Variants in KCNAB2 observed in about 807,000 individuals in gnomAD.
KCNAB2 encodes potassium voltage-gated channel subfamily A regulatory beta subunit 2.
A neutral mutation model predicts 63.6 loss-of-function variants in KCNAB2; 29 were observed. The ratio of observed to expected loss-of-function variants is 0.46; its 90% CI spans 0.34 to 0.62. KCNAB2 has a LOEUF of 0.62. Among genes scored for constraint, KCNAB2 ranks in the 20% least tolerant of loss-of-function variants. The pLI, the probability that KCNAB2 is intolerant of heterozygous loss-of-function variation, is 0.01. For missense variants in KCNAB2, 359 were observed against 563.9 expected (o/e 0.64, Z 3.68); for synonymous variants, 222 against 224.2 (o/e 0.99, Z 0.09).
At position 6,099,631 on chromosome 1, in the gene KCNAB2, T is replaced by G; in HGVS notation, c.*1057T>G. On this transcript the variant is annotated 3_prime_UTR_variant, in exon 16 of 16. Transcript: ENST00000378083. The stretch of plus-strand genomic sequence containing the variant: ...CTGCTCTGCACCGAGCTGGTGGGCT[T>G]GGGTTTTGTGGAGCGCATGCTTGGA... 4.4e-6 allele frequency: 4 copies of G among 906,904 alleles called. No individual in the cohort carries two copies. Among genetic ancestry groups the G allele is most frequent in the African/African-American group, 1.7e-5 (1 of 59,548 alleles). 56.2% of individuals were successfully genotyped at this position (906,904 alleles called of 1,614,324 possible).
Position 6,036,274 on chromosome 1 carries a change from G to A in KCNAB2, c.-53+1480G>A, listed in dbSNP as rs546196308. On this transcript the variant is annotated intron_variant, in intron 1 of 15. Coordinates refer to the KCNAB2 transcript ENST00000164247. ...TCCCAGCATTTAGGGAGGCCGAGGC[G>A]GGCGGATCACTTGAGGCCGGGAGTT... 2.1e-4 allele frequency among the ~76,000 whole-genome samples: 32 copies of A among 152,238 alleles called. No homozygotes were observed. In the South Asian group the frequency reaches 5.4e-3, roughly 26 times the overall value.
intron 1 of KCNAB2, among the ~76,000 whole-genome samples, chr1:5,997,182 G>A (rs1052002840): frequency 1.5e-4 from 23 of 152,234 alleles, no homozygotes; most frequent in African/African-American, 5.3e-4. Context: ...CTGGAGCTCA[G>A]GTGGTTCCTG....
intron 1 of KCNAB2, among the ~76,000 whole-genome samples, chr1:6,037,397 C>T (rs1660129310): frequency 6.6e-6 from 1 of 152,204 alleles, no homozygotes; most frequent in African/African-American, 2.4e-5. Context: ...GCCGTGTTTG[C>T]TTATGCAGCA....
At chr1:6,085,608 A>T (rs904753145) in intron 6 of KCNAB2, 4 of 217,160 alleles carry the variant, frequency 1.8e-5, no homozygotes, top group Non-Finnish European at 3.7e-5. Context: ...GCTACAGAAG[A>T]TGTGGGTGCA....
chr1:6,003,345 T>C lies in KCNAB2; in HGVS notation c.-53+10557T>C, dbSNP rs1188650890. 1.3e-5 allele frequency among the ~76,000 whole-genome samples: 2 copies of C among 152,148 alleles called. No individual in the cohort carries two copies. The highest frequency in any genetic ancestry group is 4.8e-5 in the African/African-American group (2 of 41,434). ...GATCCTCCCCACCAGAGCAGGGTCA[T>C]GGGGTCAGAGGCAGGGTCCGTGTGG... On this transcript the variant is annotated intron_variant, in intron 1 of 16. Transcript: ENST00000341524. The surrounding 1 kb of genome is among the most constrained non-coding windows in gnomAD (Gnocchi z 4.1).
At chr1:6,097,675 G>T in intron 15 of KCNAB2, 1 of 564,772 alleles carries the variant, frequency 1.8e-6, no homozygotes, top group Non-Finnish European at 3.2e-6. Context: ...TGTCAGGTGG[G>T]CTTGTTGAGA....
intron 4 of KCNAB2, among the ~76,000 whole-genome samples, chr1:6,080,619 G>A (rs555928126): frequency 4.2e-4 from 64 of 152,292 alleles, no homozygotes; most frequent in Non-Finnish European, 6.5e-4. Flanking sequence ...TTGGGGATGA[G>A]TGCCAGTGTC....
chr1:6,086,865 G>A lies in KCNAB2; in HGVS notation c.426-602G>A, dbSNP rs551828291. Among the ~76,000 whole-genome samples the A allele has an allele frequency of 2.4e-3, 352 of 148,496 alleles. 4 individuals carry two copies. Among genetic ancestry groups the A allele is most frequent in the Non-Finnish European group, 3.4e-3 (228 of 67,176 alleles). ...CCTTTGGTGCCCCCCAAGTTACCCCGACCAGGCCGTCCTTATGCCTCCCCT... is the reference window on the plus strand; with the variant it reads ...CCTTTGGTGCCCCCCAAGTTACCCCAACCAGGCCGTCCTTATGCCTCCCCT... On this transcript the variant is annotated intron_variant, in intron 6 of 15. Transcript: ENST00000378083. The surrounding 1 kb of genome is among the most constrained non-coding windows in gnomAD (Gnocchi z 4.2).
intron 1 of KCNAB2, among the ~76,000 whole-genome samples, chr1:6,038,000 A>G (rs916599787): frequency 2.0e-5 from 3 of 147,486 alleles, no homozygotes; most frequent in Non-Finnish European, 3.0e-5. Flanking sequence ...TCACCCTCCC[A>G]AGTAGCTGGG....
upstream of KCNAB2, among the ~76,000 whole-genome samples, chr1:6,029,766 C>T (rs996671057): frequency 2.6e-5 from 4 of 152,246 alleles, no homozygotes; most frequent in Admixed American, 2.6e-4. Context: ...ACTCCAAAGC[C>T]CAGATCCGAA....
chr1:6,050,796 C>T (rs746735117), intron 1 of KCNAB2, among the ~76,000 whole-genome samples: 1 of 152,246 alleles, frequency 6.6e-6, no homozygotes, highest in Non-Finnish European at 1.5e-5. Context: ...TTCCCCAGGC[C>T]ACTCTCCTCC....
chr1:6,055,142 A>G (rs940203754), intron 2 of KCNAB2, among the ~76,000 whole-genome samples: 1 of 152,180 alleles, frequency 6.6e-6, no homozygotes. Flanking sequence ...GAGAGAAGAC[A>G]TTCCTGTTGT....
intron 1 of KCNAB2, among the ~76,000 whole-genome samples, chr1:6,005,020 TG>T (rs1557921118): frequency 2.1e-4 from 17 of 82,486 alleles, no homozygotes; most frequent in Non-Finnish European, 1.8e-4. Context: ...GGGGTGAGGG[TG>T]GAGTAGGGGG....
At position 6,060,627 on chromosome 1, in the gene KCNAB2, C is replaced by T. The variant is rs548824654; in HGVS notation, c.218+8873C>T. Reference sequence around the variant, plus strand: ...CTTTTAAAAGCCATGTCAGGCCAAGCGTGGTGGCTCACGCCTGCAATCCCA... The same window carrying T: ...CTTTTAAAAGCCATGTCAGGCCAAGTGTGGTGGCTCACGCCTGCAATCCCA... On this transcript the variant is annotated intron_variant, in intron 2 of 15. Coordinates refer to ENST00000378083, the MANE Select transcript of KCNAB2 (RefSeq NM_001199862.2). Among the ~76,000 whole-genome samples the T allele has an allele frequency of 7.2e-5, 11 of 152,272 alleles. No homozygotes were observed. The South Asian group carries it at 2.1e-3, about 29-fold the overall frequency.
chr1:6,037,353 G>A (rs1012163031), intron 1 of KCNAB2, among the ~76,000 whole-genome samples: 1 of 152,252 alleles, frequency 6.6e-6, no homozygotes, highest in Non-Finnish European at 1.5e-5. Context: ...ATCCCCTTCT[G>A]CAAGGCTGTG....
upstream of KCNAB2, chr1:6,041,148 G>T: frequency 6.4e-6 from 1 of 157,324 alleles, no homozygotes; most frequent in Non-Finnish European, 1.4e-5. Flanking sequence ...CCTCCTTGTG[G>T]AACTCACTTC....
chr1:6,096,064 G>C lies in KCNAB2; in HGVS notation c.948+440G>C. 2.2e-6 allele frequency: 1 copy of C among 459,116 alleles called. No individual in the cohort carries two copies. Among genetic ancestry groups the C allele is most frequent in the Admixed American group, 2.3e-5 (1 of 42,644 alleles). 28.4% of individuals were successfully genotyped at this position (459,116 alleles called of 1,614,324 possible). A position where few individuals can be genotyped will look rare whatever the true frequency, so the allele number is the denominator to read the frequency against. ...ACAACCTCTGAGTGGGGACTCAGGA[G>C]GGTCCCCAGACTGCAGGATCTGGAG... is the stretch of plus-strand genomic sequence containing the variant. On this transcript the variant is annotated intron_variant, in intron 13 of 15. Transcript: ENST00000378083. This position sits in a 1 kb window ranked among gnomAD's most constrained non-coding sequence, Gnocchi z 5.9.
chr1:6,026,149 T>G (rs1659160105), intron 1 of KCNAB2: 1 of 152,548 alleles, frequency 6.6e-6, no homozygotes, highest in Admixed American at 6.5e-5. Context: ...TCTGCCTGTC[T>G]CCTGCCCCAT....
At chr1:6,049,380 C>A (rs1025588482) in intron 1 of KCNAB2, among the ~76,000 whole-genome samples, 9 of 152,206 alleles carry the variant, frequency 5.9e-5, no homozygotes, top group Admixed American at 2.6e-4. Context: ...ATTCAGCACA[C>A]AGGACAGCTA....
Sources: allele counts gnomAD v4.1 joint callset (sites outside exome capture counted in the v4.1 genomes callset), GRCh38; gene constraint gnomAD v4.1.1; non-coding constraint Gnocchi (gnomAD v3.1); transcripts MANE v1.5; gene names NCBI Gene and HGNC (gene_info 2026-07-23, HGNC 2026-07-21).